SPATS2L: variants seen among roughly 807,000 people sequenced by gnomAD.
SPATS2L encodes the protein spermatogenesis associated serine rich 2 like.
SPATS2L carries 30 observed loss-of-function variants against 59.6 expected under a neutral mutation model. The observed-to-expected ratio is 0.50, with a 90% CI of 0.38 to 0.68. SPATS2L has a LOEUF of 0.68. SPATS2L is among the 30% of genes least tolerant of loss of function. The pLI is 0.00. For missense variants in SPATS2L, 615 were observed against 700.0 expected, an observed-to-expected ratio of 0.88 and a Z score of 1.37; for synonymous variants, 252 against 263.5, an observed-to-expected ratio of 0.96 and a Z score of 0.42.
At chr2:200,455,632 T>C (rs1046377753) in intron 8 of SPATS2L, among the ~76,000 whole-genome samples, 9 of 152,190 alleles carry the variant, frequency 5.9e-5, no homozygotes, top group Non-Finnish European at 4.4e-5. Flanking sequence ...ACAGTAGGAA[T>C]GTGGTTGATG....
intron 2 of SPATS2L, among the ~76,000 whole-genome samples, chr2:200,365,356 G>A (rs1224926523): frequency 6.6e-6 from 1 of 152,210 alleles, no homozygotes; most frequent in Non-Finnish European, 1.5e-5. Context: ...TGGGGCTCAA[G>A]GAGGATGACA....
intron 6 of SPATS2L, among the ~76,000 whole-genome samples, chr2:200,436,121 T>C (rs560114430): frequency 1.1e-4 from 16 of 152,212 alleles, no homozygotes; most frequent in African/African-American, 3.4e-4. Context: ...TCAGCCCCCA[T>C]TGAGCTACAA....
At chr2:200,458,702 G>C (rs184580423) in intron 8 of SPATS2L, among the ~76,000 whole-genome samples, 67 of 151,500 alleles carry the variant, frequency 4.4e-4, no homozygotes, top group Middle Eastern at 3.4e-3. Flanking sequence ...AATGAACAGG[G>C]CTTGTTTAGA....
At chr2:200,355,337 ATGTGGTGTGATTCTTTCTACC>A (rs2080878346) in intron 2 of SPATS2L, among the ~76,000 whole-genome samples, 2 of 152,174 alleles carry the variant, frequency 1.3e-5, no homozygotes, top group African/African-American at 2.4e-5. Context: ...ATTTTCTCTA[ATGTGGTGTGATTCTTTCTACC>A]TTCATTTACT....
chr2:200,397,538 A>G (rs1043773198), intron 3 of SPATS2L, among the ~76,000 whole-genome samples: 13 of 152,232 alleles, frequency 8.5e-5, no homozygotes, highest in African/African-American at 3.1e-4. Context: ...TGTTTGTATT[A>G]TTATTAAAAC....
chr2:200,411,235 G>C (rs148594906), intron 3 of SPATS2L, among the ~76,000 whole-genome samples: 1 of 152,188 alleles, frequency 6.6e-6, no homozygotes, highest in African/African-American at 2.4e-5. Context: ...ATGCAGATCT[G>C]TATGGAATAG....
At position 200,411,743 on chromosome 2, in the gene SPATS2L, G is replaced by A. The variant is rs2082885081; in HGVS notation, c.40-568G>A. ...TATTTTCAATGTTTGATTTTCAGAA[G>A]TGTGTTCACAAACATTTTTTGGACT... On this transcript the variant is annotated intron_variant, in intron 3 of 12. Transcript: ENST00000409140. 1.3e-5 allele frequency among the ~76,000 whole-genome samples: 2 copies of A among 152,318 alleles called. 1 individual carries two copies. The highest frequency in any genetic ancestry group is 4.1e-4 in the South Asian group (2 of 4,828).
In SPATS2L at chr2:200,424,943, T is replaced by C. The variant is rs974136061; in HGVS notation, c.445+5447T>C. On this transcript the variant is annotated intron_variant, in intron 6 of 12. Transcript: ENST00000409140. ...GGCTCCATGCCATGCTTGCTGACCT[T>C]CACGAGCTGGACTGTACAGCCTGCC... 3.9e-5 allele frequency among the ~76,000 whole-genome samples: 6 copies of C among 152,296 alleles called. No homozygotes were observed. The South Asian group carries it at 6.2e-4, about 16-fold the overall frequency.
intron 11 of SPATS2L, 121 bp from the exon 12 acceptor site, chr2:200,472,711 C>G: frequency 1.2e-6 from 1 of 839,042 alleles, no homozygotes; most frequent in Non-Finnish European, 1.9e-6. Flanking sequence ...CAAAAGAAAA[C>G]TTTTTAATGT....
chr2:200,438,682 T>C (rs1437562520), intron 6 of SPATS2L, among the ~76,000 whole-genome samples: 1 of 152,192 alleles, frequency 6.6e-6, no homozygotes, highest in East Asian at 1.9e-4. Context: ...GAATGAAATA[T>C]CACAAGACAT....
chr2:200,417,097 G>T (rs1386311855), intron 5 of SPATS2L, among the ~76,000 whole-genome samples: 1 of 152,166 alleles, frequency 6.6e-6, no homozygotes, highest in Non-Finnish European at 1.5e-5. Flanking sequence ...TAGCAAAAGT[G>T]TGCCGCTCCT....
chr2:200,336,479 C>T (rs1400598420), intron 2 of SPATS2L, among the ~76,000 whole-genome samples: 1 of 152,134 alleles, frequency 6.6e-6, no homozygotes, highest in Non-Finnish European at 1.5e-5. Flanking sequence ...TCAAAGGCTA[C>T]TTACTGCTCA....
chr2:200,384,554 G>A (rs964129268), intron 2 of SPATS2L, among the ~76,000 whole-genome samples: 6 of 152,172 alleles, frequency 3.9e-5, no homozygotes, highest in Middle Eastern at 3.4e-3. Context: ...GGGTTTCACC[G>A]TGTTAGCCAG....
intron 12 of SPATS2L, among the ~76,000 whole-genome samples, chr2:200,474,551 C>CTT (rs563201279): frequency 9.5e-4 from 144 of 152,194 alleles, no homozygotes; most frequent in African/African-American, 3.3e-3. Context: ...GATCCACCTG[C>CTT]TTCAGCCTCC....
At chr2:200,363,565 C>T (rs2081177685) in intron 2 of SPATS2L, among the ~76,000 whole-genome samples, 2 of 152,166 alleles carry the variant, frequency 1.3e-5, no homozygotes, top group Non-Finnish European at 2.9e-5. Flanking sequence ...AGATCAAGGA[C>T]ATTCATTATT....
intron 6 of SPATS2L, among the ~76,000 whole-genome samples, chr2:200,422,552 A>AG (rs200315196): frequency 0.024 from 3,398 of 139,674 alleles, 131 homozygotes; most frequent in African/African-American, 0.076. Flanking sequence ...AAAAAAAAAA[A>AG]GGGGGAGGAA....
At chr2:200,371,191 A>G (rs1444404349) in intron 2 of SPATS2L, among the ~76,000 whole-genome samples, 1 of 152,230 alleles carries the variant, frequency 6.6e-6, no homozygotes, top group Non-Finnish European at 1.5e-5. Flanking sequence ...CAGGGTGGGA[A>G]GAATAAAGTT....
At chr2:200,470,632 G>A (rs181104983) in intron 11 of SPATS2L, among the ~76,000 whole-genome samples, 20 of 152,284 alleles carry the variant, frequency 1.3e-4, no homozygotes, top group African/African-American at 4.3e-4. Flanking sequence ...GCACTGAAGC[G>A]GCTTTAAGGA....
chr2:200,478,181 T>C lies in SPATS2L; in HGVS notation c.*150T>C. 1 of 744,482 alleles carries C rather than the reference T, an allele frequency of 1.3e-6. No individual in the cohort carries two copies. Among genetic ancestry groups the C allele is most frequent in the Non-Finnish European group, 2.0e-6 (1 of 499,718 alleles). 46.1% of individuals were successfully genotyped at this position (744,482 alleles called of 1,614,324 possible). On this transcript the variant is annotated 3_prime_UTR_variant, in exon 13 of 13. Coordinates refer to ENST00000409140, the MANE Select transcript of SPATS2L (RefSeq NM_001100423.2). ...TAATCATTTTTACTAATTCTAATAA[T>C]CAGCTCTAGCTTGCTTCATAATTTT...
Sources: allele counts gnomAD v4.1 joint callset (sites outside exome capture counted in the v4.1 genomes callset), GRCh38; gene constraint gnomAD v4.1.1; transcripts MANE v1.5; gene names NCBI Gene and HGNC (gene_info 2026-07-23, HGNC 2026-07-21).